STARD7: variants seen among roughly 807,000 people sequenced by gnomAD.
The protein encoded by STARD7 is stAR-related lipid transfer protein 7, mitochondrial.
Under a neutral mutation model 45.3 loss-of-function variants are expected in STARD7, and 30 were observed. That is an observed-to-expected ratio of 0.66 (90% CI 0.50 to 0.90). STARD7 has a LOEUF of 0.90. Ranked by LOEUF, STARD7 falls within the 40% of genes least tolerant of loss-of-function variation. The pLI is 0.00. For missense variants in STARD7, 495 were observed against 491.3 expected (o/e 1.01, Z -0.07); for synonymous variants, 199 against 183.0 (o/e 1.09, Z -0.70).
intron 6 of STARD7, among the ~76,000 whole-genome samples, chr2:96,190,894 T>C (rs1683116066): frequency 6.6e-6 from 1 of 152,166 alleles, no homozygotes; most frequent in Non-Finnish European, 1.5e-5. Context: ...CTGGGCACAG[T>C]GGCTCACGCC....
rs756650553 is a variant in STARD7, at chr2:96,208,299, C to A, written c.136G>T (p.Gly46Cys). The change falls in exon 1 of 8, where the codon GGC becomes TGC. Residue 46 changes from glycine (G) to cysteine (C), a missense_variant. By Grantham distance (159) the Gly-to-Cys change is radical. Transcript: ENST00000337288. ...RRAQQIAQLY[G>C]RLYSESSRRV... ...CGTGAGCTCTCGGAGTAGAGGCGGCCGTAGAGCTGCGCGATCTGCTGCGCG... is the reference window on the plus strand; with the variant it reads ...CGTGAGCTCTCGGAGTAGAGGCGGCAGTAGAGCTGCGCGATCTGCTGCGCG... 11 of 1,609,076 alleles carry A rather than the reference C, an allele frequency of 6.8e-6. No homozygotes were observed. Among genetic ancestry groups the A allele is most frequent in the Middle Eastern group, 3.7e-4 (2 of 5,444 alleles).
In STARD7 at chr2:96,193,881, C is replaced by T. The variant is rs552429887; in HGVS notation, c.550-529G>A. 5.9e-5 allele frequency among the ~76,000 whole-genome samples: 9 copies of T among 152,326 alleles called. No homozygotes were observed. In the South Asian group the frequency reaches 1.0e-3, roughly 18 times the overall value. ...GTACCTCAGGGAAAGTGCACTTGCA[C>T]GTTAGAGTGAGTGTTATAACCAACG... On this transcript the variant is annotated intron_variant, in intron 3 of 7. Coordinates refer to ENST00000337288, the MANE Select transcript of STARD7 (RefSeq NM_020151.4).
chr2:96,202,545 T>C (rs550168485), intron 1 of STARD7, among the ~76,000 whole-genome samples: 1 of 152,286 alleles, frequency 6.6e-6, no homozygotes, highest in South Asian at 2.1e-4. Flanking sequence ...CTAGATTTGC[T>C]CAGAGAACAA....
chr2:96,204,816 C>T (rs1180549191), intron 1 of STARD7, among the ~76,000 whole-genome samples: 1 of 146,278 alleles, frequency 6.8e-6, no homozygotes, highest in Admixed American at 7.0e-5. Context: ...TAGTCAATAA[C>T]ACACTGAAGT....
intron 6 of STARD7, among the ~76,000 whole-genome samples, chr2:96,189,647 A>C (rs1683094339): frequency 6.6e-6 from 1 of 151,038 alleles, no homozygotes; most frequent in East Asian, 2.0e-4. Context: ...GGAGGTTGCA[A>C]GTGAGCCAAG....
chr2:96,192,593 G>C, intron 5 of STARD7, 125 bp from the exon 6 acceptor site: 1 of 719,170 alleles, frequency 1.4e-6, no homozygotes, highest in Non-Finnish European at 2.4e-6. Flanking sequence ...AAACAAAGGA[G>C]TCACTAAGAT....
intron 1 of STARD7, among the ~76,000 whole-genome samples, chr2:96,197,081 TAA>T (rs1161908987): frequency 3.3e-5 from 4 of 119,890 alleles, no homozygotes; most frequent in African/African-American, 1.2e-4. Context: ...TAAAATAAAA[TAA>T]AATAAAATAA....
At chr2:96,189,324 G>A (rs1683088676) in intron 6 of STARD7, among the ~76,000 whole-genome samples, 2 of 152,110 alleles carry the variant, frequency 1.3e-5, no homozygotes, top group Non-Finnish European at 2.9e-5. Context: ...GCTGGGGAAG[G>A]AAGCTTCACA....
chr2:96,195,628 AG>A (rs1320612244), intron 1 of STARD7, 79 bp from the exon 2 acceptor site: 1 of 1,133,286 alleles, frequency 8.8e-7, no homozygotes, highest in Non-Finnish European at 1.3e-6. Flanking sequence ...GGTCTGTGCA[AG>A]AAGGTTATAC....
intron 1 of STARD7, among the ~76,000 whole-genome samples, chr2:96,199,160 GTTCCT>G (rs1418255130): frequency 6.6e-6 from 1 of 152,116 alleles, no homozygotes; most frequent in Non-Finnish European, 1.5e-5. Flanking sequence ...GCTATTCTGA[GTTCCT>G]TTCATTTCCA....
At chr2:96,191,067 A>G (rs1269592433) in intron 6 of STARD7, among the ~76,000 whole-genome samples, 1 of 152,206 alleles carries the variant, frequency 6.6e-6, no homozygotes, top group Non-Finnish European at 1.5e-5. Flanking sequence ...CAGGAGGCTG[A>G]GGCAGGAGGA....
intron 1 of STARD7, among the ~76,000 whole-genome samples, chr2:96,202,138 C>G (rs1165970069): frequency 2.6e-5 from 4 of 152,234 alleles, no homozygotes; most frequent in Admixed American, 6.5e-5. Context: ...ATGCAGCCCC[C>G]CTCCCGCCCA....
At chr2:96,202,809 C>G (rs1006405524) in intron 1 of STARD7, among the ~76,000 whole-genome samples, 1 of 152,188 alleles carries the variant, frequency 6.6e-6, no homozygotes, top group South Asian at 2.1e-4. Context: ...GAATGTCGTA[C>G]TAAAACATCA....
chr2:96,188,766 C>A (rs938355758), intron 6 of STARD7, among the ~76,000 whole-genome samples: 3 of 151,560 alleles, frequency 2.0e-5, no homozygotes, highest in African/African-American at 7.3e-5. Context: ...TGGTGGCACA[C>A]ACCAGTAATC....
intron 3 of STARD7, among the ~76,000 whole-genome samples, chr2:96,194,141 T>C (rs1031792107): frequency 1.3e-5 from 2 of 152,116 alleles, no homozygotes; most frequent in Non-Finnish European, 2.9e-5. Flanking sequence ...GGAGGATCAC[T>C]AGAGCCCAGG....
intron 1 of STARD7, among the ~76,000 whole-genome samples, chr2:96,201,996 T>C (rs1683311655): frequency 6.6e-6 from 1 of 152,188 alleles, no homozygotes; most frequent in South Asian, 2.1e-4. Context: ...TTTCTTGAAG[T>C]CCTATTAGTT....
At chr2:96,188,434 C>A (rs1271337166) in intron 6 of STARD7, among the ~76,000 whole-genome samples, 2 of 150,960 alleles carry the variant, frequency 1.3e-5, no homozygotes, top group Non-Finnish European at 3.0e-5. Context: ...CACCACCATG[C>A]CCAGCTAATT....
intron 1 of STARD7, 66 bp downstream of exon 1, chr2:96,208,079 G>A: frequency 1.4e-6 from 2 of 1,431,682 alleles, no homozygotes; most frequent in Admixed American, 2.5e-5. Flanking sequence ...ACGACCACAG[G>A]GCAGGCCCCA....
chr2:96,201,582 TAAA>T (rs575624013), intron 1 of STARD7, among the ~76,000 whole-genome samples: 1 of 136,748 alleles, frequency 7.3e-6, no homozygotes. Context: ...GTAAGACTCT[TAAA>T]AAAAAAAAAA....
Sources: gnomAD v4.1 joint callset for allele counts (sites outside exome capture counted in the v4.1 genomes callset) on GRCh38, gnomAD v4.1.1 for gene constraint, MANE v1.5 for transcripts, NCBI Gene and HGNC (gene_info 2026-07-23, HGNC 2026-07-21) for gene names.